Variants in GNPTAB observed in about 807,000 individuals in gnomAD.
GNPTAB encodes N-acetylglucosamine-1-phosphate transferase subunits alpha and beta, also known as N-acetylglucosamine-1-phosphotransferase subunits alpha/beta.
In GNPTAB, 92 loss-of-function variants were observed where a neutral mutation model predicts 136.6. The ratio of observed to expected loss-of-function variants is 0.67; its 90% CI spans 0.57 to 0.80. The LOEUF (loss-of-function observed/expected upper bound fraction) is 0.80, where lower values mean the gene tolerates loss of function less well. GNPTAB is among the 30% of genes least tolerant of loss of function. The pLI is 0.00. For missense variants in GNPTAB, 1,343 were observed against 1,501.8 expected, an observed-to-expected ratio of 0.89 and a Z score of 1.75; for synonymous variants, 512 against 535.1, an observed-to-expected ratio of 0.96 and a Z score of 0.60.
chr12:101,813,438 T>C (rs1289323897), intron 1 of GNPTAB, among the ~76,000 whole-genome samples: 1 of 152,150 alleles, frequency 6.6e-6, no homozygotes, highest in East Asian at 1.9e-4. Context: ...TAGGGACATA[T>C]ATAAAACATT....
chr12:101,761,835 TATATAATGTGGTAATAACTAGTCACG>T (rs1953002380), intron 13 of GNPTAB, 72 bp from the exon 14 acceptor site: 1 of 1,130,274 alleles, frequency 8.8e-7, no homozygotes, highest in Admixed American at 1.7e-5. Flanking sequence ...CAAGACATTT[TATATAATGTGGTAATAACTAGTCACG>T]AACTCTTCAT....
intron 1 of GNPTAB, among the ~76,000 whole-genome samples, chr12:101,798,366 C>T (rs1229778756): frequency 6.6e-6 from 1 of 152,126 alleles, no homozygotes; most frequent in African/African-American, 2.4e-5. Context: ...TATTCCACTG[C>T]CCCTAAGAAG....
chr12:101,826,649 T>C (rs910671241), intron 1 of GNPTAB, among the ~76,000 whole-genome samples: 1 of 152,168 alleles, frequency 6.6e-6, no homozygotes, highest in African/African-American at 2.4e-5. Context: ...TGTATTTTCC[T>C]GAGTGTGAAG....
At chr12:101,800,362 T>C (rs11111029) in intron 1 of GNPTAB, among the ~76,000 whole-genome samples, 14,935 of 151,928 alleles carry the variant, frequency 0.098, 881 homozygotes, top group Middle Eastern at 0.2. Flanking sequence ...AAAAAAAAAT[T>C]ATGGTCTTCT....
At chr12:101,811,827 TG>T (rs1180164434) in intron 1 of GNPTAB, among the ~76,000 whole-genome samples, 2 of 151,378 alleles carry the variant, frequency 1.3e-5, no homozygotes, top group Non-Finnish European at 3.0e-5. Context: ...TTAGTAGAGA[TG>T]GGGTTTCACC....
intron 7 of GNPTAB, chr12:101,778,620 T>C (rs919319058): frequency 1.3e-5 from 2 of 152,210 alleles, no homozygotes; most frequent in African/African-American, 4.8e-5. Flanking sequence ...AAGAAAGTCA[T>C]GAAGGGCAAG....
chr12:101,808,235 A>G (rs1461639211), intron 1 of GNPTAB, among the ~76,000 whole-genome samples: 1 of 152,142 alleles, frequency 6.6e-6, no homozygotes, highest in East Asian at 1.9e-4. Context: ...AATTTCAGCA[A>G]GTTATTTTGG....
At chr12:101,824,432 A>ATATATATATATATATATAT (rs1188582277) in intron 1 of GNPTAB, among the ~76,000 whole-genome samples, 10 of 50,874 alleles carry the variant, frequency 2.0e-4, no homozygotes, top group Admixed American at 2.3e-4. Context: ...ATATATATAT[A>ATATATATATATATATATAT]TTTTCTTTTT....
intron 19 of GNPTAB, 98 bp downstream of exon 19, chr12:101,753,274 G>A (rs1007026935): frequency 7.4e-6 from 8 of 1,081,012 alleles, no homozygotes; most frequent in African/African-American, 1.6e-5. Flanking sequence ...AATAAAAAGA[G>A]AAATTTCATA....
chr12:101,797,770 A>C (rs1216529554), intron 1 of GNPTAB, among the ~76,000 whole-genome samples: 3 of 152,164 alleles, frequency 2.0e-5, no homozygotes, highest in Non-Finnish European at 2.9e-5. Context: ...TCATGTTTGC[A>C]CCCTAAATCT....
At chr12:101,810,459 A>G (rs1870169108) in intron 1 of GNPTAB, 1 of 147,204 alleles carries the variant, frequency 6.8e-6, no homozygotes, top group African/African-American at 2.6e-5. Context: ...ACACACACAC[A>G]CACACACACA....
At chr12:101,804,261 C>T (rs890952354) in intron 1 of GNPTAB, among the ~76,000 whole-genome samples, 18 of 151,054 alleles carry the variant, frequency 1.2e-4, no homozygotes, top group African/African-American at 4.4e-4. Context: ...ACAATGCACT[C>T]TACTATATAA....
At chr12:101,816,620 A>G (rs1469016586) in intron 1 of GNPTAB, among the ~76,000 whole-genome samples, 1 of 152,222 alleles carries the variant, frequency 6.6e-6, no homozygotes, top group African/African-American at 2.4e-5. Context: ...TATAGCCACT[A>G]TGGAAAACAC....
Position 101,823,189 on chromosome 12 carries a change from A to G in GNPTAB, c.117+7370T>C, listed in dbSNP as rs189939492. Among the ~76,000 whole-genome samples the G allele has an allele frequency of 1.7e-3, 262 of 152,328 alleles. 3 individuals carry two copies. Among genetic ancestry groups the G allele is most frequent in the Admixed American group, 7.8e-4 (12 of 15,304 alleles). ...CTGTTAGAGAAATTATTCTGAAACT[A>G]TATCTGGGCTTAGGAACGGAAAAGT... On this transcript the variant is annotated intron_variant, in intron 1 of 20. Transcript: ENST00000299314.
At chr12:101,769,405 T>C (rs751556740) in intron 10 of GNPTAB, among the ~76,000 whole-genome samples, 4 of 152,184 alleles carry the variant, frequency 2.6e-5, no homozygotes, top group Non-Finnish European at 4.4e-5. Context: ...CTAACCATGA[T>C]TGTCTGTTTC....
At chr12:101,785,658 C>T in intron 5 of GNPTAB, 1 of 229,120 alleles carries the variant, frequency 4.4e-6, no homozygotes, top group South Asian at 7.0e-5. Context: ...AGAATCAATA[C>T]TCCAGGTATG....
In GNPTAB at chr12:101,796,773, G is replaced by A. The variant is rs754113133; in HGVS notation, c.118-11C>T. On this transcript the variant is annotated splice_polypyrimidine_tract_variant and intron_variant, in intron 1 of 20. Transcript: ENST00000299314. ...CCATTCCAGAACCACCTAGAACAAA[G>A]AAAAAGAAACGTTTTCTTCGCATCA... is the stretch of plus-strand genomic sequence containing the variant. 2 of 1,581,916 alleles carry A rather than the reference G, an allele frequency of 1.3e-6. No individual in the cohort carries two copies. Among genetic ancestry groups the A allele is most frequent in the Admixed American group, 3.4e-5 (2 of 58,100 alleles).
intron 10 of GNPTAB, among the ~76,000 whole-genome samples, chr12:101,769,550 T>C (rs914406802): frequency 2.0e-5 from 3 of 152,190 alleles, no homozygotes; most frequent in Non-Finnish European, 4.4e-5. Flanking sequence ...TGCTGATTTC[T>C]GAGCTTAGCA....
At chr12:101,756,050 A>G (rs576674328) in intron 18 of GNPTAB, among the ~76,000 whole-genome samples, 1 of 152,198 alleles carries the variant, frequency 6.6e-6, no homozygotes, top group Admixed American at 6.6e-5. Flanking sequence ...CTTAAAAGCT[A>G]AAGTTATTTT....
Sources: gnomAD v4.1 joint callset for allele counts (sites outside exome capture counted in the v4.1 genomes callset) on GRCh38, gnomAD v4.1.1 for gene constraint, MANE v1.5 for transcripts, NCBI Gene and HGNC (gene_info 2026-07-23, HGNC 2026-07-21) for gene names.